Variants in RAB40C observed in about 807,000 individuals in gnomAD.
RAB40C encodes RAB40C, member RAS oncogene family, also known as ras-related protein Rab-40C.
In RAB40C, 8 loss-of-function variants were observed where a neutral mutation model predicts 28.1. The ratio of observed to expected loss-of-function variants is 0.28; its 90% CI spans 0.17 to 0.51. The LOEUF is 0.51. Ranked by LOEUF, RAB40C falls within the 20% of genes least tolerant of loss-of-function variation. RAB40C has a pLI of 0.97. For synonymous variants in RAB40C, 201 were observed against 171.7 expected, an observed-to-expected ratio of 1.17 and a Z score of -1.34; for missense variants, 288 against 405.9, an observed-to-expected ratio of 0.71 and a Z score of 2.50.
chr16:589,664 C>T (rs1176621282), upstream of RAB40C: 1 of 150,912 alleles, frequency 6.6e-6, no homozygotes, highest in Non-Finnish European at 1.5e-5. Context: ...CGGCCGGCGG[C>T]TCTGGGATTT....
intron 1 of RAB40C, among the ~76,000 whole-genome samples, chr16:592,712 C>T (rs2036028784): frequency 6.6e-6 from 1 of 152,224 alleles, no homozygotes; most frequent in South Asian, 2.1e-4. Context: ...CAGAAGAGCA[C>T]GGGAAGGATT....
intron 2 of RAB40C, among the ~76,000 whole-genome samples, chr16:617,873 A>G (rs530667758): frequency 2.6e-5 from 4 of 152,098 alleles, no homozygotes; most frequent in Admixed American, 2.6e-4. Flanking sequence ...CATTTCCCAG[A>G]ACGTCAGCGT....
intron 1 of RAB40C, among the ~76,000 whole-genome samples, chr16:591,768 G>C (rs1302212333): frequency 6.6e-6 from 1 of 151,878 alleles, no homozygotes; most frequent in Non-Finnish European, 1.5e-5. Context: ...ATTTTGTTGT[G>C]TGTATTTTAG....
chr16:598,561 C>CCA (rs2036182209), intron 1 of RAB40C, among the ~76,000 whole-genome samples: 1 of 54,950 alleles, frequency 1.8e-5, no homozygotes, highest in Admixed American at 1.8e-4. Context: ...CTCTGTCTCA[C>CCA]AAAAAAAAAA....
Position 627,941 on chromosome 16 carries a change from T to A in RAB40C, c.*319T>A, listed in dbSNP as rs1771347228. On this transcript the variant is annotated 3_prime_UTR_variant, in exon 6 of 6. Transcript: ENST00000248139. ...CTTATTTATATAGAGAACACTTCAC[T>A]TTTTTGTACATTTTTAAGGGGCCTT... 1 of 327,704 alleles carries A rather than the reference T, an allele frequency of 3.1e-6. No homozygotes were observed. 20.3% of individuals were successfully genotyped at this position (327,704 alleles called of 1,614,324 possible). A position where few individuals can be genotyped will look rare whatever the true frequency, so the allele number is the denominator to read the frequency against.
rs1413000119 is a variant in RAB40C, at chr16:607,812, G to GAA, written c.143-9394_143-9393dup. Among the ~76,000 whole-genome samples the GAA allele has an allele frequency of 2.6e-5, 4 of 152,136 alleles. No individual in the cohort carries two copies. In the East Asian group the frequency reaches 5.8e-4, roughly 22 times the overall value. On this transcript the variant is annotated intron_variant, in intron 1 of 5. Coordinates refer to ENST00000248139, the MANE Select transcript of RAB40C (RefSeq NM_021168.5). ...TCTCAAAAACGAAAAGAAAAGAAAA[G>GAA]AAAGTCGCATCTGGTAAAGCAGACA... is the stretch of plus-strand genomic sequence containing the variant.
chr16:625,777 C>A, intron 4 of RAB40C, 122 bp from the exon 5 acceptor site: 1 of 1,060,372 alleles, frequency 9.4e-7, no homozygotes, highest in Non-Finnish European at 1.4e-6. Flanking sequence ...TTGACCTCCG[C>A]CCACCTTGAC....
intron 3 of RAB40C, among the ~76,000 whole-genome samples, chr16:622,792 C>T (rs560468774): frequency 1.3e-5 from 2 of 152,346 alleles, no homozygotes; most frequent in East Asian, 3.9e-4. Context: ...GCGTGAGCCA[C>T]GGCGCCTGGC....
chr16:595,477 A>G (rs1230615413), intron 1 of RAB40C, among the ~76,000 whole-genome samples: 1 of 152,080 alleles, frequency 6.6e-6, no homozygotes, highest in Non-Finnish European at 1.5e-5. Flanking sequence ...TGCACCGCGC[A>G]CACTAAGTTC....
At position 610,509 on chromosome 16, in the gene RAB40C, AGCCGGG is replaced by A. The variant is rs1163529760; in HGVS notation, c.143-6698_143-6693del. ...CACTGGCGCCCTTGCCTTTTCACTG[AGCCGGG>A]TATTAGCTTAGCTTATTTTTGAAAA... is the stretch of plus-strand genomic sequence containing the variant. On this transcript the variant is annotated intron_variant, in intron 1 of 5. Transcript: ENST00000248139. This position sits in a 1 kb window ranked among gnomAD's most constrained non-coding sequence, Gnocchi z 4.6. 3.3e-5 allele frequency among the ~76,000 whole-genome samples: 5 copies of A among 152,076 alleles called. No individual in the cohort carries two copies. The highest frequency in any genetic ancestry group is 4.4e-5 in the Non-Finnish European group (3 of 68,002).
chr16:596,208 C>T, intron 1 of RAB40C: 1 of 435,982 alleles, frequency 2.3e-6, no homozygotes, highest in South Asian at 1.6e-5. Flanking sequence ...CTAAATTGAA[C>T]AGTGTTTCAG....
intron 3 of RAB40C, among the ~76,000 whole-genome samples, chr16:621,388 G>A (rs961474779): frequency 4.9e-4 from 74 of 152,314 alleles, no homozygotes; most frequent in Non-Finnish European, 1.3e-4. Context: ...TGTCCCAGCC[G>A]GGATTTGTCA....
At position 628,613 on chromosome 16, in the gene RAB40C, G is replaced by C. The variant is rs1054257276; in HGVS notation, c.*991G>C. 1.3e-5 allele frequency: 2 copies of C among 152,480 alleles called. No individual in the cohort carries two copies. The highest frequency in any genetic ancestry group is 2.9e-5 in the Non-Finnish European group (2 of 68,126). The allele number at this position is 152,480 out of a possible 1,614,324, so 9.4% of individuals were successfully genotyped here. Reference sequence around the variant, plus strand: ...CCACGTCCACCTGGGGGCCTCGGGAGGCTAGGCCCCTCCTCAAAGGCCCAC... The same window carrying C: ...CCACGTCCACCTGGGGGCCTCGGGACGCTAGGCCCCTCCTCAAAGGCCCAC... On this transcript the variant is annotated 3_prime_UTR_variant, in exon 6 of 6. Transcript: ENST00000248139.
chr16:613,997 G>A (rs1164193814), intron 1 of RAB40C, among the ~76,000 whole-genome samples: 1 of 152,194 alleles, frequency 6.6e-6, no homozygotes, highest in Admixed American at 6.5e-5. Flanking sequence ...GCAAGGCTGC[G>A]GCCTCTACTG....
At chr16:602,317 T>TTTAGGAGGCCGAGGCAGGCA (rs2036270182) in intron 1 of RAB40C, among the ~76,000 whole-genome samples, 1 of 151,586 alleles carries the variant, frequency 6.6e-6, no homozygotes, top group Non-Finnish European at 1.5e-5. Context: ...TGGAGTGCAG[T>TTTAGGAGGCCGAGGCAGGCA]GATCATAGTT....
chr16:619,829 C>T lies in RAB40C; in HGVS notation c.264+1569C>T, dbSNP rs148005662. Among the ~76,000 whole-genome samples the T allele has an allele frequency of 7.0e-3, 1,071 of 152,370 alleles. 5 individuals carry two copies. Among genetic ancestry groups the T allele is most frequent in the Middle Eastern group, 0.01 (3 of 294 alleles). The stretch of plus-strand genomic sequence containing the variant: ...GCTTCGTCCCATGGCAAGCTCATTT[C>T]CTTCCATTTCTACACTGAAGTGTAG... On this transcript the variant is annotated intron_variant, in intron 3 of 5. Transcript: ENST00000248139.
intron 3 of RAB40C, among the ~76,000 whole-genome samples, chr16:619,863 G>C (rs2036675828): frequency 6.6e-6 from 1 of 152,234 alleles, no homozygotes; most frequent in Non-Finnish European, 1.5e-5. Flanking sequence ...AGTCGGTGTT[G>C]GATCTGATGT....
At chr16:625,732 G>A (rs1190208070) in intron 4 of RAB40C, 167 bp from the exon 5 acceptor site, 2 of 838,550 alleles carry the variant, frequency 2.4e-6, no homozygotes. Flanking sequence ...CGGAAGGGCT[G>A]CACTGTAGGG....
At chr16:613,429 C>T (rs2036524540) in intron 1 of RAB40C, among the ~76,000 whole-genome samples, 1 of 152,260 alleles carries the variant, frequency 6.6e-6, no homozygotes, top group Admixed American at 6.5e-5. Context: ...GCCGCCCTGG[C>T]CGGTAGAATC....
Sources: gnomAD v4.1 joint callset for allele counts (sites outside exome capture counted in the v4.1 genomes callset) on GRCh38, gnomAD v4.1.1 for gene constraint, Gnocchi (gnomAD v3.1) non-coding constraint, MANE v1.5 for transcripts, NCBI Gene and HGNC (gene_info 2026-07-23, HGNC 2026-07-21) for gene names.